The following SAMD12 variants were observed in gnomAD, a reference collection of about 807,000 sequenced individuals.
SAMD12 encodes sterile alpha motif domain containing 12.
In SAMD12, 9 loss-of-function variants were observed where a neutral mutation model predicts 15.0. The ratio of observed to expected loss-of-function variants is 0.60; its 90% CI spans 0.36 to 1.05. The LOEUF is 1.05. SAMD12 is among the 50% of genes least tolerant of loss of function. SAMD12 has a pLI of 0.01. For missense variants in SAMD12, 230 were observed against 234.2 expected (o/e 0.98, Z 0.12); for synonymous variants, 86 against 90.1 (o/e 0.96, Z 0.25).
intron 2 of SAMD12, among the ~76,000 whole-genome samples, chr8:118,508,698 G>A (rs1824992751): frequency 6.6e-6 from 1 of 152,142 alleles, no homozygotes; most frequent in Non-Finnish European, 1.5e-5. Context: ...GGGGAGTTTT[G>A]GGCACACAGC....
intron 1 of SAMD12, among the ~76,000 whole-genome samples, chr8:118,610,387 G>A (rs568725861): frequency 2.0e-4 from 31 of 152,242 alleles, no homozygotes; most frequent in East Asian, 5.8e-4. Flanking sequence ...TTGACAGACC[G>A]GAAAGCAACA....
chr8:118,229,154 A>T (rs1039269504), intron 4 of SAMD12, among the ~76,000 whole-genome samples: 4 of 152,088 alleles, frequency 2.6e-5, no homozygotes, highest in Non-Finnish European at 5.9e-5. Context: ...GAGGGGGGCG[A>T]GGGATAAAAG....
intron 4 of SAMD12, among the ~76,000 whole-genome samples, chr8:118,206,815 G>A (rs747125840): frequency 6.6e-6 from 1 of 152,218 alleles, no homozygotes; most frequent in African/African-American, 2.4e-5. Flanking sequence ...TAATGTTGCA[G>A]GGACACTGAT....
intron 2 of SAMD12, among the ~76,000 whole-genome samples, chr8:118,447,364 G>A (rs891073859): frequency 4.6e-5 from 7 of 151,376 alleles, no homozygotes; most frequent in Middle Eastern, 3.2e-3. Flanking sequence ...GTGCAATGGC[G>A]CGATTTCAGC....
chr8:118,541,210 TG>T (rs372605752), intron 2 of SAMD12, among the ~76,000 whole-genome samples: 62 of 152,324 alleles, frequency 4.1e-4, no homozygotes, highest in East Asian at 3.1e-3. Flanking sequence ...ATGAGGCAAC[TG>T]GGGCTCTGAG....
chr8:118,602,537 T>C (rs972122999), intron 1 of SAMD12, among the ~76,000 whole-genome samples: 3 of 152,206 alleles, frequency 2.0e-5, no homozygotes, highest in East Asian at 1.9e-4. Flanking sequence ...AAAATGTACA[T>C]AGACATTGAA....
At chr8:118,583,273 G>A (rs1356103792) in intron 1 of SAMD12, among the ~76,000 whole-genome samples, 1 of 152,166 alleles carries the variant, frequency 6.6e-6, no homozygotes, top group African/African-American at 2.4e-5. Context: ...AGAGAACTTA[G>A]TAGCCAAAGC....
At chr8:118,461,951 G>A (rs1823436004) in intron 2 of SAMD12, among the ~76,000 whole-genome samples, 1 of 152,144 alleles carries the variant, frequency 6.6e-6, no homozygotes, top group South Asian at 2.1e-4. Context: ...TGTTTAAAAG[G>A]ACACTACAGG....
At chr8:118,137,653 C>A in the SAMD12 span, among the ~76,000 whole-genome samples, 1 of 152,130 alleles carries the variant, frequency 6.6e-6, no homozygotes, top group African/African-American at 2.4e-5. Context: ...GGTTTTCCTT[C>A]TGTGCTGTGT....
chr8:118,548,321 C>A (rs1826189802), intron 2 of SAMD12, among the ~76,000 whole-genome samples: 1 of 151,854 alleles, frequency 6.6e-6, no homozygotes, highest in South Asian at 2.1e-4. Flanking sequence ...TGATTCCTTC[C>A]CTTTCCAAAT....
chr8:118,273,678 A>G (rs1452482333), intron 4 of SAMD12, among the ~76,000 whole-genome samples: 1 of 152,210 alleles, frequency 6.6e-6, no homozygotes, highest in Non-Finnish European at 1.5e-5. Flanking sequence ...CTGTCAATAC[A>G]TGGCCTTAAA....
chr8:118,407,936 C>A (rs537685363), intron 3 of SAMD12, among the ~76,000 whole-genome samples: 1 of 152,204 alleles, frequency 6.6e-6, no homozygotes, highest in East Asian at 1.9e-4. Context: ...AACTACCCAC[C>A]CCCATAGCCA....
chr8:118,432,243 G>T (rs945324499), intron 3 of SAMD12, among the ~76,000 whole-genome samples: 1 of 152,028 alleles, frequency 6.6e-6, no homozygotes, highest in African/African-American at 2.4e-5. Context: ...ATCTGAATCT[G>T]GTTCTGATGA....
intron 4 of SAMD12, among the ~76,000 whole-genome samples, chr8:118,308,210 C>A (rs796841633): frequency 8.5e-5 from 13 of 152,264 alleles, no homozygotes; most frequent in African/African-American, 2.9e-4. Flanking sequence ...CCATTTGTTT[C>A]TTGCTGGGAA....
chr8:118,241,205 A>C (rs1812554632), intron 4 of SAMD12, among the ~76,000 whole-genome samples: 1 of 152,158 alleles, frequency 6.6e-6, no homozygotes. Flanking sequence ...ACTTCTTCTT[A>C]CTTCCCATTC....
At chr8:118,424,939 ATTT>A (rs10570610) in intron 3 of SAMD12, among the ~76,000 whole-genome samples, 2,343 of 138,604 alleles carry the variant, frequency 0.017, 57 homozygotes, top group African/African-American at 0.057. Flanking sequence ...TGGTATATTA[ATTT>A]TTTTTTTTTT....
chr8:118,424,216 C>T (rs76107641), intron 3 of SAMD12, among the ~76,000 whole-genome samples: 118 of 152,168 alleles, frequency 7.8e-4, no homozygotes, highest in African/African-American at 1.1e-3. Flanking sequence ...TGTATATCTA[C>T]GCATTTATAT....
chr8:118,253,466 A>G (rs1812864925), intron 4 of SAMD12, among the ~76,000 whole-genome samples: 1 of 152,150 alleles, frequency 6.6e-6, no homozygotes, highest in Non-Finnish European at 1.5e-5. Context: ...AGAATGTCCT[A>G]CCTTTTTGTA....
chr8:118,157,628 T>G, the SAMD12 span, among the ~76,000 whole-genome samples: 1 of 152,224 alleles, frequency 6.6e-6, no homozygotes, highest in African/African-American at 2.4e-5. Flanking sequence ...TTATCAAGTG[T>G]GATAAAGCCC....
Sources: allele counts gnomAD v4.1 joint callset (sites outside exome capture counted in the v4.1 genomes callset), GRCh38; gene constraint gnomAD v4.1.1; transcripts MANE v1.5; gene names NCBI Gene and HGNC (gene_info 2026-07-23, HGNC 2026-07-21).